The following LHFPL3 variants were observed in gnomAD, a reference collection of about 807,000 sequenced individuals.
LHFPL3 encodes LHFPL tetraspan subfamily member 3 protein.
LHFPL3 carries 5 observed loss-of-function variants against 19.3 expected under a neutral mutation model. The observed-to-expected ratio is 0.26, with a 90% CI of 0.14 to 0.54. The LOEUF (loss-of-function observed/expected upper bound fraction) is 0.54. Among genes scored for constraint, LHFPL3 ranks in the 20% least tolerant of loss-of-function variants. LHFPL3 has a pLI of 0.94. For synonymous variants in LHFPL3, 133 were observed against 126.2 expected (o/e 1.05, Z -0.36); for missense variants, 249 against 307.4 (o/e 0.81, Z 1.42).
At chr7:104,666,708 A>C (rs931295773) in intron 1 of LHFPL3, among the ~76,000 whole-genome samples, 2 of 150,180 alleles carry the variant, frequency 1.3e-5, no homozygotes, top group African/African-American at 4.9e-5. Flanking sequence ...TTTTTAGTAC[A>C]GACGGGGTTT....
intron 2 of LHFPL3, among the ~76,000 whole-genome samples, chr7:104,873,052 A>T (rs557999721): frequency 1.3e-5 from 2 of 152,210 alleles, no homozygotes; most frequent in South Asian, 4.1e-4. Flanking sequence ...AATGTCATTA[A>T]ACAATAGGAA....
intron 1 of LHFPL3, among the ~76,000 whole-genome samples, chr7:104,606,959 CAA>C (rs893933799): frequency 6.7e-6 from 1 of 149,600 alleles, no homozygotes; most frequent in Non-Finnish European, 1.5e-5. Flanking sequence ...CAAAACAAAA[CAA>C]AAAAAAACAA....
intron 1 of LHFPL3, among the ~76,000 whole-genome samples, chr7:104,568,229 A>G (rs1790159408): frequency 6.6e-6 from 1 of 152,188 alleles, no homozygotes; most frequent in Non-Finnish European, 1.5e-5. Context: ...CTTGGTAGGT[A>G]TGGAGGTGAA....
intron 1 of LHFPL3, among the ~76,000 whole-genome samples, chr7:104,498,648 T>C (rs915267332): frequency 6.6e-6 from 1 of 152,080 alleles, no homozygotes; most frequent in Non-Finnish European, 1.5e-5. Flanking sequence ...CTGCTAACTT[T>C]TGTATTTTTA....
chr7:104,448,307 T>C (rs1298796529), intron 1 of LHFPL3, among the ~76,000 whole-genome samples: 1 of 152,194 alleles, frequency 6.6e-6, no homozygotes, highest in Admixed American at 6.5e-5. Context: ...GTGCCAGAGT[T>C]AGAAATAACT....
At position 104,540,312 on chromosome 7, in the gene LHFPL3, T is replaced by A. The variant is rs554499214; in HGVS notation, c.446-196363T>A. Among the ~76,000 whole-genome samples, 52 of 152,170 alleles carry A rather than the reference T, an allele frequency of 3.4e-4. 2 individuals carry two copies. The South Asian group carries it at 0.01, about 30-fold the overall frequency. On this transcript the variant is annotated intron_variant, in intron 1 of 2. Coordinates refer to ENST00000424859, the MANE Select transcript of LHFPL3 (RefSeq NM_199000.3). Reference sequence around the variant, plus strand: ...TATGGTTGGTAGGGGGACAGAAAAGTCTAGAGCAACAGTTCTCAACCAAAG... The same window carrying A: ...TATGGTTGGTAGGGGGACAGAAAAGACTAGAGCAACAGTTCTCAACCAAAG...
chr7:104,867,546 A>T (rs1049148916), intron 2 of LHFPL3, among the ~76,000 whole-genome samples: 2 of 152,234 alleles, frequency 1.3e-5, no homozygotes, highest in Non-Finnish European at 2.9e-5. Context: ...TGAATCTCTG[A>T]ATAGACCAAT....
chr7:104,799,484 G>A (rs1790199065), intron 2 of LHFPL3: 1 of 152,326 alleles, frequency 6.6e-6, no homozygotes, highest in Admixed American at 6.5e-5. Context: ...GGTCAACAAG[G>A]AAAGGTGAAG....
rs549266315 is a variant in LHFPL3 at position 104,585,585 on chromosome 7, G to C, written c.446-151090G>C. On this transcript the variant is annotated intron_variant, in intron 1 of 2. Transcript: ENST00000424859. ...CTTTGCATGGTGAGGATTTGGGCAG[G>C]CTATATTGTTCTACAGTATGTCAGT... Among the ~76,000 whole-genome samples, 6 of 151,494 alleles carry C rather than the reference G, an allele frequency of 4.0e-5. No homozygotes were observed. In the East Asian group the frequency reaches 1.2e-3, roughly 29 times the overall value.
At chr7:104,816,096 G>C (rs1488428257) in intron 2 of LHFPL3, among the ~76,000 whole-genome samples, 1 of 152,104 alleles carries the variant, frequency 6.6e-6, no homozygotes, top group East Asian at 1.9e-4. Flanking sequence ...CCTTCATTAT[G>C]AGTTCAAGAT....
At chr7:104,717,453 C>CA (rs1584494920) in intron 1 of LHFPL3, among the ~76,000 whole-genome samples, 1 of 152,036 alleles carries the variant, frequency 6.6e-6, no homozygotes, top group Non-Finnish European at 1.5e-5. Flanking sequence ...CCCTACTACA[C>CA]AATAGAGAAA....
intron 2 of LHFPL3, chr7:104,800,099 C>G (rs2116471704): frequency 6.6e-6 from 1 of 152,580 alleles, no homozygotes; most frequent in East Asian, 1.9e-4. Context: ...AAAGGTAGGT[C>G]ATGGTAGGAT....
intron 1 of LHFPL3, among the ~76,000 whole-genome samples, chr7:104,701,054 T>C (rs1793090922): frequency 6.6e-6 from 1 of 152,222 alleles, no homozygotes. Context: ...ATATGGGTGG[T>C]AAACTTTGAG....
At chr7:104,648,073 A>G (rs577508124) in intron 1 of LHFPL3, among the ~76,000 whole-genome samples, 1 of 152,328 alleles carries the variant, frequency 6.6e-6, no homozygotes, top group Non-Finnish European at 1.5e-5. Context: ...TTTCTATTAG[A>G]TATTTAGTGT....
chr7:104,578,979 T>C (rs1049050561), intron 1 of LHFPL3, among the ~76,000 whole-genome samples: 3 of 152,178 alleles, frequency 2.0e-5, no homozygotes, highest in African/African-American at 7.2e-5. Context: ...GGCCAAGTGT[T>C]TGAAGATGTT....
chr7:104,606,770 T>G, intron 1 of LHFPL3, among the ~76,000 whole-genome samples: 1 of 152,126 alleles, frequency 6.6e-6, no homozygotes, highest in East Asian at 1.9e-4. Flanking sequence ...GAGGTTTGGC[T>G]TTTTATGGGC....
At chr7:104,633,394 G>A (rs1006913807) in intron 1 of LHFPL3, among the ~76,000 whole-genome samples, 2 of 152,110 alleles carry the variant, frequency 1.3e-5, no homozygotes, top group South Asian at 2.1e-4. Context: ...GCTGAAAAAA[G>A]TCACTGGAAA....
chr7:104,394,752 G>C (rs1791148185), intron 1 of LHFPL3, among the ~76,000 whole-genome samples: 1 of 151,478 alleles, frequency 6.6e-6, no homozygotes, highest in Non-Finnish European at 1.5e-5. Flanking sequence ...TCAGGCTTGA[G>C]TGCAGTAACA....
chr7:104,625,378 A>G (rs979694312), intron 1 of LHFPL3, among the ~76,000 whole-genome samples: 10 of 152,220 alleles, frequency 6.6e-5, no homozygotes, highest in African/African-American at 2.2e-4. Flanking sequence ...TGCATTTTTG[A>G]TCTAGGAGCA....
Sources: allele counts gnomAD v4.1 joint callset (sites outside exome capture counted in the v4.1 genomes callset), GRCh38; gene constraint gnomAD v4.1.1; transcripts MANE v1.5; gene names NCBI Gene and HGNC (gene_info 2026-07-23, HGNC 2026-07-21).